The following ST6GALNAC5 variants were observed in gnomAD, a reference collection of about 807,000 sequenced individuals.
The protein encoded by ST6GALNAC5 is alpha-N-acetylgalactosaminide alpha-2,6-sialyltransferase 5.
ST6GALNAC5 carries 27 observed loss-of-function variants against 33.6 expected under a neutral mutation model. That is an observed-to-expected ratio of 0.80 (90% CI 0.59 to 1.11). The LOEUF (loss-of-function observed/expected upper bound fraction) is 1.11, where lower values mean the gene tolerates loss of function less well. Among genes scored for constraint, ST6GALNAC5 ranks in the 50% least tolerant of loss-of-function variants. ST6GALNAC5 has a pLI of 0.00. For missense variants in ST6GALNAC5, 428 were observed against 454.0 expected, an observed-to-expected ratio of 0.94 and a Z score of 0.52; for synonymous variants, 194 against 171.2, an observed-to-expected ratio of 1.13 and a Z score of -1.04.
In ST6GALNAC5 at chr1:77,039,330, C is replaced by T. The variant is rs576561657; in HGVS notation, c.262-4874C>T. ...TTAATGGTCCTTACTGTGTCCCGGG[C>T]CATTTTCCCAGCCAGCCATTAATTC... On this transcript the variant is annotated intron_variant, in intron 2 of 4. Transcript: ENST00000477717. 2.6e-5 allele frequency among the ~76,000 whole-genome samples: 4 copies of T among 152,342 alleles called. No individual in the cohort carries two copies. The South Asian group carries it at 8.3e-4, about 32-fold the overall frequency.
chr1:76,932,751 G>T (rs556258725), intron 2 of ST6GALNAC5, among the ~76,000 whole-genome samples: 8 of 152,044 alleles, frequency 5.3e-5, no homozygotes, highest in Non-Finnish European at 1.0e-4. Context: ...TGCAGACTTT[G>T]CTCATGCCTC....
chr1:76,868,482 C>A lies in ST6GALNAC5; in HGVS notation c.16-15C>A. 1.3e-6 allele frequency: 2 copies of A among 1,596,084 alleles called. No individual in the cohort carries two copies. The highest frequency in any genetic ancestry group is 1.7e-4 in the Middle Eastern group (1 of 5,962). On this transcript the variant is annotated splice_polypyrimidine_tract_variant and intron_variant, in intron 1 of 4. Coordinates refer to ENST00000477717, the MANE Select transcript of ST6GALNAC5 (RefSeq NM_030965.3). This position sits in a 1 kb window ranked among gnomAD's most constrained non-coding sequence, Gnocchi z 4.3. Reference sequence around the variant, plus strand: ...GCTCAGCCGCTCTCCTCTTCTCTCTCCCGCCCGCCCGCAGCGCCATGGTCT... The same window carrying A: ...GCTCAGCCGCTCTCCTCTTCTCTCTACCGCCCGCCCGCAGCGCCATGGTCT...
chr1:77,049,259 C>A (rs948026351), intron 3 of ST6GALNAC5, among the ~76,000 whole-genome samples: 3 of 152,114 alleles, frequency 2.0e-5, no homozygotes, highest in Non-Finnish European at 4.4e-5. Context: ...GAAAAGCCTT[C>A]CTGCACCTCT....
chr1:77,056,563 G>C (rs1652407084), intron 4 of ST6GALNAC5, among the ~76,000 whole-genome samples: 1 of 152,206 alleles, frequency 6.6e-6, no homozygotes, highest in Non-Finnish European at 1.5e-5. Context: ...AGTTGATGCT[G>C]CCAGAATTAT....
intron 2 of ST6GALNAC5, among the ~76,000 whole-genome samples, chr1:77,024,565 C>A (rs187852866): frequency 1.3e-5 from 2 of 152,184 alleles, no homozygotes; most frequent in South Asian, 4.1e-4. Context: ...TGCCTCCAGG[C>A]GGGCTGGGGA....
chr1:77,001,691 T>C (rs943713331), intron 2 of ST6GALNAC5, among the ~76,000 whole-genome samples: 27 of 151,808 alleles, frequency 1.8e-4, no homozygotes, highest in Non-Finnish European at 3.4e-4. Context: ...TGAGAGTTTT[T>C]AGCATGAAGG....
chr1:76,986,422 A>G (rs1649498113), intron 2 of ST6GALNAC5, among the ~76,000 whole-genome samples: 1 of 152,240 alleles, frequency 6.6e-6, no homozygotes, highest in Non-Finnish European at 1.5e-5. Context: ...AATGCTCATC[A>G]TCACTGGTTA....
intron 2 of ST6GALNAC5, among the ~76,000 whole-genome samples, chr1:76,931,899 A>G (rs562542935): frequency 6.6e-6 from 1 of 152,172 alleles, no homozygotes; most frequent in Non-Finnish European, 1.5e-5. Flanking sequence ...AGCAAAAGAA[A>G]AAACAAACCA....
intron 2 of ST6GALNAC5, among the ~76,000 whole-genome samples, chr1:76,990,499 A>G (rs1212885872): frequency 2.0e-5 from 3 of 152,000 alleles, no homozygotes; most frequent in Non-Finnish European, 4.4e-5. Flanking sequence ...TTTGGTGCTC[A>G]TTGCTAAATA....
chr1:77,041,062 G>A (rs1416199361), intron 2 of ST6GALNAC5, among the ~76,000 whole-genome samples: 1 of 152,186 alleles, frequency 6.6e-6, no homozygotes, highest in African/African-American at 2.4e-5. Context: ...TGTCACTTCT[G>A]TTCAGCTGAG....
At chr1:76,981,425 G>A (rs12048093) in intron 2 of ST6GALNAC5, among the ~76,000 whole-genome samples, 30 of 152,148 alleles carry the variant, frequency 2.0e-4, no homozygotes, top group African/African-American at 6.0e-4. Context: ...AGGCTGCAGC[G>A]TGGCTGGGGG....
chr1:76,886,118 T>C (rs749190187), intron 2 of ST6GALNAC5, among the ~76,000 whole-genome samples: 1 of 152,164 alleles, frequency 6.6e-6, no homozygotes, highest in Non-Finnish European at 1.5e-5. Flanking sequence ...CTGACCACCA[T>C]ATAGTAAAGG....
At chr1:77,006,135 A>C (rs12742057) in intron 2 of ST6GALNAC5, among the ~76,000 whole-genome samples, 51,819 of 151,524 alleles carry the variant, frequency 0.34, 10,794 homozygotes, top group East Asian at 0.48. Flanking sequence ...AGAAATGTGT[A>C]GTTTTTTTTG....
chr1:76,934,667 G>C (rs1647180089), intron 2 of ST6GALNAC5, among the ~76,000 whole-genome samples: 1 of 151,996 alleles, frequency 6.6e-6, no homozygotes, highest in Non-Finnish European at 1.5e-5. Flanking sequence ...AATAAGGCCT[G>C]CATGCTAAAA....
At chr1:77,001,892 CA>C (rs1329901226) in intron 2 of ST6GALNAC5, among the ~76,000 whole-genome samples, 1 of 151,888 alleles carries the variant, frequency 6.6e-6, no homozygotes, top group African/African-American at 2.4e-5. Flanking sequence ...TTCGTTTTGC[CA>C]GTATTTTATT....
chr1:76,992,358 T>A (rs956858483), intron 2 of ST6GALNAC5, among the ~76,000 whole-genome samples: 4 of 152,214 alleles, frequency 2.6e-5, no homozygotes, highest in Non-Finnish European at 5.9e-5. Flanking sequence ...CACCTTCACA[T>A]AGGTTCTCAG....
chr1:76,970,666 A>C (rs1048371360), intron 2 of ST6GALNAC5, among the ~76,000 whole-genome samples: 6 of 152,196 alleles, frequency 3.9e-5, no homozygotes, highest in Admixed American at 6.5e-5. Flanking sequence ...TCCCCAACCT[A>C]GAAAGGCAGG....
chr1:76,885,974 G>A (rs1031760612), intron 2 of ST6GALNAC5, among the ~76,000 whole-genome samples: 15 of 152,206 alleles, frequency 9.9e-5, no homozygotes, highest in Non-Finnish European at 4.4e-5. Context: ...CCAGGACACT[G>A]TTAGAGGTGA....
intron 2 of ST6GALNAC5, among the ~76,000 whole-genome samples, chr1:76,948,308 T>C (rs1456872999): frequency 1.3e-5 from 2 of 152,132 alleles, no homozygotes; most frequent in Non-Finnish European, 2.9e-5. Flanking sequence ...ATCTTACCAC[T>C]GTCTCTGCTG....
Sources: allele counts gnomAD v4.1 joint callset (sites outside exome capture counted in the v4.1 genomes callset), GRCh38; gene constraint gnomAD v4.1.1; non-coding constraint Gnocchi (gnomAD v3.1); transcripts MANE v1.5; gene names NCBI Gene and HGNC (gene_info 2026-07-23, HGNC 2026-07-21).